Variants in MGAT4C observed in about 807,000 individuals in gnomAD.
MGAT4C encodes the protein alpha-1,3-mannosyl-glycoprotein 4-beta-N-acetylglucosaminyltransferase C.
A neutral mutation model predicts 40.1 loss-of-function variants in MGAT4C; 19 were observed. That is an observed-to-expected ratio of 0.47 (90% confidence interval 0.33 to 0.70). The LOEUF (loss-of-function observed/expected upper bound fraction) is 0.70. Ranked by LOEUF, MGAT4C falls within the 30% of genes least tolerant of loss-of-function variation. The pLI is 0.02. For missense variants in MGAT4C, 491 were observed against 563.2 expected (o/e 0.87, Z 1.30); for synonymous variants, 181 against 187.1 (o/e 0.97, Z 0.27).
intron 2 of MGAT4C, among the ~76,000 whole-genome samples, chr12:86,464,634 A>G (rs1480112377): frequency 1.3e-5 from 2 of 152,170 alleles, no homozygotes; most frequent in Non-Finnish European, 2.9e-5. Context: ...CTTGAGTGCA[A>G]TAACTGTATG....
At chr12:86,516,649 CT>C (rs997454226) in intron 2 of MGAT4C, among the ~76,000 whole-genome samples, 8 of 151,930 alleles carry the variant, frequency 5.3e-5, no homozygotes, top group Non-Finnish European at 1.0e-4. Flanking sequence ...AATTTTCTGC[CT>C]TGAAAAATCC....
chr12:86,719,425 A>G (rs1263793522), intron 2 of MGAT4C, among the ~76,000 whole-genome samples: 1 of 152,208 alleles, frequency 6.6e-6, no homozygotes, highest in Non-Finnish European at 1.5e-5. Context: ...CTAACATACA[A>G]TGATGGCTCA....
intron 1 of MGAT4C, among the ~76,000 whole-genome samples, chr12:86,238,307 T>C (rs569720147): frequency 1.3e-5 from 2 of 151,982 alleles, no homozygotes; most frequent in Non-Finnish European, 1.5e-5. Flanking sequence ...ATGATAAAAA[T>C]AATTTACTTG....
intron 2 of MGAT4C, among the ~76,000 whole-genome samples, chr12:86,444,827 A>G (rs1957303849): frequency 6.6e-6 from 1 of 152,126 alleles, no homozygotes; most frequent in African/African-American, 2.4e-5. Context: ...CAGAACTGAA[A>G]CTCTATACCT....
intron 2 of MGAT4C, among the ~76,000 whole-genome samples, chr12:86,695,374 A>C (rs1950237795): frequency 6.6e-6 from 1 of 152,212 alleles, no homozygotes; most frequent in Non-Finnish European, 1.5e-5. Context: ...TCCTCAAAAA[A>C]CTAAAAGTAG....
At chr12:86,774,319 C>CTTTCTTTCTTTCTTTTTCT in intron 1 of MGAT4C, among the ~76,000 whole-genome samples, 1 of 93,720 alleles carries the variant, frequency 1.1e-5, no homozygotes, top group East Asian at 3.2e-4. Flanking sequence ...TTCTTTCTTT[C>CTTTCTTTCTTTCTTTTTCT]TTTCTTTCTT....
At chr12:86,517,660 A>G (rs937434768) in intron 2 of MGAT4C, among the ~76,000 whole-genome samples, 104 of 152,004 alleles carry the variant, frequency 6.8e-4, no homozygotes, top group African/African-American at 2.3e-3. Flanking sequence ...TTGTTTATTT[A>G]TTTAGAGATG....
chr12:86,556,445 C>T (rs1592982795), intron 2 of MGAT4C, among the ~76,000 whole-genome samples: 1 of 152,172 alleles, frequency 6.6e-6, no homozygotes, highest in East Asian at 1.9e-4. Context: ...CATTTTTGCT[C>T]TACCAAAAGA....
At chr12:86,786,373 G>A (rs956634773) in intron 1 of MGAT4C, among the ~76,000 whole-genome samples, 2 of 152,012 alleles carry the variant, frequency 1.3e-5, no homozygotes, top group African/African-American at 4.8e-5. Flanking sequence ...AGTAGAAATT[G>A]AGCTTTGAAA....
At chr12:86,526,710 A>C (rs1958889222) in intron 2 of MGAT4C, among the ~76,000 whole-genome samples, 1 of 152,128 alleles carries the variant, frequency 6.6e-6, no homozygotes, top group South Asian at 2.1e-4. Context: ...CTCCTAAGAG[A>C]GCAAGTTAAG....
At chr12:86,696,141 G>A (rs1167549166) in intron 2 of MGAT4C, among the ~76,000 whole-genome samples, 5 of 149,778 alleles carry the variant, frequency 3.3e-5, no homozygotes, top group Non-Finnish European at 4.5e-5. Flanking sequence ...GAACCTGGAA[G>A]GCAGAGGTTG....
At position 86,440,621 on chromosome 12, in the gene MGAT4C, T is replaced by C. The variant is rs147902994; in HGVS notation, c.-228-5356A>G. On this transcript the variant is annotated intron_variant, in intron 2 of 7. Coordinates refer to the MGAT4C transcript ENST00000548651. ...CTATTCAACATAGCACTGAAAGTCCTAGCCAGAGCAATCAGGGAAAAGAAA... is the reference window on the plus strand; with the variant it reads ...CTATTCAACATAGCACTGAAAGTCCCAGCCAGAGCAATCAGGGAAAAGAAA... Among the ~76,000 whole-genome samples the C allele has an allele frequency of 6.5e-4, 99 of 152,250 alleles. No homozygotes were observed. In the East Asian group the frequency reaches 0.018, roughly 27 times the overall value.
At chr12:86,055,236 T>C (rs1445250392) in intron 1 of MGAT4C, among the ~76,000 whole-genome samples, 20 of 152,072 alleles carry the variant, frequency 1.3e-4, no homozygotes, top group Non-Finnish European at 1.5e-5. Flanking sequence ...CTACTAATCA[T>C]AAATTTACAT....
intron 4 of MGAT4C, among the ~76,000 whole-genome samples, chr12:86,294,877 T>C (rs1265998049): frequency 6.6e-6 from 1 of 152,174 alleles, no homozygotes; most frequent in Non-Finnish European, 1.5e-5. Context: ...TCCTTCTCTA[T>C]TACAATGAAA....
intron 3 of MGAT4C, among the ~76,000 whole-genome samples, chr12:86,371,175 C>G (rs973293634): frequency 6.6e-6 from 1 of 151,908 alleles, no homozygotes; most frequent in Non-Finnish European, 1.5e-5. Context: ...TCCTTCTTGC[C>G]TTTCATTCCC....
At chr12:86,036,893 G>A (rs1272840487) in intron 2 of MGAT4C, among the ~76,000 whole-genome samples, 1 of 149,798 alleles carries the variant, frequency 6.7e-6, no homozygotes, top group Non-Finnish European at 1.5e-5. Flanking sequence ...TGTACCTCTG[G>A]TAGAATTTGC....
chr12:86,025,628 T>G (rs1227009469), intron 2 of MGAT4C, among the ~76,000 whole-genome samples: 1 of 151,774 alleles, frequency 6.6e-6, no homozygotes, highest in African/African-American at 2.4e-5. Flanking sequence ...GAAGAAACAC[T>G]AAAATTCTAA....
intron 2 of MGAT4C, among the ~76,000 whole-genome samples, chr12:86,570,205 C>CA (rs1038209340): frequency 6.6e-6 from 1 of 151,684 alleles, no homozygotes; most frequent in Non-Finnish European, 1.5e-5. Context: ...GTTCTCACCA[C>CA]AAAAAAGACA....
At chr12:86,740,670 T>A (rs1420516716) in intron 1 of MGAT4C, among the ~76,000 whole-genome samples, 2 of 151,306 alleles carry the variant, frequency 1.3e-5, no homozygotes, top group South Asian at 2.1e-4. Flanking sequence ...TTCACAGGAT[T>A]TCAGAAAAGC....
Sources: gnomAD v4.1 joint callset for allele counts (sites outside exome capture counted in the v4.1 genomes callset) on GRCh38, gnomAD v4.1.1 for gene constraint, MANE v1.5 for transcripts, NCBI Gene and HGNC (gene_info 2026-07-23, HGNC 2026-07-21) for gene names.